The following PCDHA7 variants were observed in gnomAD, a reference collection of about 807,000 sequenced individuals.
PCDHA7 encodes protocadherin alpha 7, also known as protocadherin alpha-7.
A neutral mutation model predicts 57.2 loss-of-function variants in PCDHA7; 37 were observed. The observed-to-expected ratio is 0.65, with a 90% confidence interval of 0.50 to 0.85. PCDHA7 has a LOEUF of 0.85. Among genes scored for constraint, PCDHA7 ranks in the 40% least tolerant of loss-of-function variants. PCDHA7 has a pLI of 0.00. For synonymous variants in PCDHA7, 553 were observed against 558.8 expected, an observed-to-expected ratio of 0.99 and a Z score of 0.15; for missense variants, 1,188 against 1,241.8, an observed-to-expected ratio of 0.96 and a Z score of 0.65.
At chr5:140,875,264 C>T (rs1017689371) in intron 1 of PCDHA7, 10 of 1,189,206 alleles carry the variant, frequency 8.4e-6, no homozygotes, top group Non-Finnish European at 1.0e-5. Flanking sequence ...TGATGTCGCT[C>T]TACACTCAGA....
At chr5:140,856,023 G>A in intron 1 of PCDHA7, 2 of 1,556,224 alleles carry the variant, frequency 1.3e-6, no homozygotes, top group Non-Finnish European at 8.7e-7. Context: ...CTGATTCGTC[G>A]ATTTGTAAAA....
intron 1 of PCDHA7, among the ~76,000 whole-genome samples, chr5:140,911,786 TG>T (rs1394803815): frequency 6.6e-6 from 1 of 152,212 alleles, no homozygotes; most frequent in Non-Finnish European, 1.5e-5. Flanking sequence ...TTAGCATTTT[TG>T]GGTCTAATCA....
At chr5:140,870,746 T>A in intron 1 of PCDHA7, 1 of 1,613,488 alleles carries the variant, frequency 6.2e-7, no homozygotes, top group South Asian at 1.1e-5. Flanking sequence ...AGCAGCAACG[T>A]GACGCTGCAG....
chr5:140,910,519 G>A (rs187918127), intron 1 of PCDHA7, among the ~76,000 whole-genome samples: 18 of 152,218 alleles, frequency 1.2e-4, no homozygotes, highest in Non-Finnish European at 2.5e-4. Context: ...AAGGATGCAG[G>A]TACTCCCCTC....
At chr5:140,849,149 C>T (rs1423345877) in intron 1 of PCDHA7, 1 of 1,253,130 alleles carries the variant, frequency 8.0e-7, no homozygotes, top group African/African-American at 1.8e-5. Context: ...CCGATGGAGG[C>T]AAACCCGAGC....
chr5:140,926,953 C>T, intron 1 of PCDHA7: 1 of 1,596,706 alleles, frequency 6.3e-7, no homozygotes, highest in Non-Finnish European at 8.6e-7. Flanking sequence ...TGCAGCGGGA[C>T]AGCTCGAGTA....
chr5:140,852,577 T>G, intron 1 of PCDHA7: 3 of 825,200 alleles, frequency 3.6e-6, no homozygotes, highest in Non-Finnish European at 3.0e-6. Flanking sequence ...TGCCAAGGCT[T>G]TTTTATTTTT....
chr5:140,897,722 T>G (rs1236534951), intron 1 of PCDHA7, among the ~76,000 whole-genome samples: 10 of 152,162 alleles, frequency 6.6e-5, no homozygotes, highest in Admixed American at 6.5e-4. Context: ...GATGGCTGGG[T>G]CAAATAGTAT....
intron 3 of PCDHA7, among the ~76,000 whole-genome samples, chr5:140,991,829 G>A (rs530610195): frequency 3.3e-5 from 5 of 152,196 alleles, no homozygotes; most frequent in South Asian, 2.1e-4. Flanking sequence ...CATTTATAAC[G>A]GCAGAACCGC....
At chr5:140,966,569 G>A in intron 1 of PCDHA7, 1 of 500,346 alleles carries the variant, frequency 2.0e-6, no homozygotes, top group Non-Finnish European at 3.3e-6. Flanking sequence ...TGGAATATGG[G>A]GAGTCAGCGA....
intron 1 of PCDHA7, chr5:140,856,066 C>A: frequency 6.3e-7 from 1 of 1,589,756 alleles, no homozygotes; most frequent in Non-Finnish European, 8.6e-7. Flanking sequence ...CCAGATGTAG[C>A]TGCCTGGGGG....
intron 1 of PCDHA7, among the ~76,000 whole-genome samples, chr5:140,942,239 T>C (rs1554214876): frequency 6.6e-6 from 1 of 152,156 alleles, no homozygotes; most frequent in African/African-American, 2.4e-5. Context: ...AAATAAGATA[T>C]CCATATCATT....
At chr5:140,902,395 G>A (rs782771913) in intron 1 of PCDHA7, among the ~76,000 whole-genome samples, 2 of 151,802 alleles carry the variant, frequency 1.3e-5, no homozygotes, top group Non-Finnish European at 2.9e-5. Context: ...GTACTATGTT[G>A]AATACTATGT....
rs116160554 is a variant in PCDHA7, at chr5:140,845,319, C to A, written c.2355+8581C>A. Among the ~76,000 whole-genome samples the A allele has an allele frequency of 3.7e-3, 557 of 149,574 alleles. 34 individuals carry two copies. Among genetic ancestry groups the A allele is most frequent in the African/African-American group, 0.011 (448 of 40,946 alleles). ...ATGTCTACCTGGTTCTCAGGTATTA[C>A]TTTAATTACTGAATTCTCCTAAACA... On this transcript the variant is annotated intron_variant, in intron 1 of 3. Coordinates refer to ENST00000525929, the MANE Select transcript of PCDHA7 (RefSeq NM_018910.3).
intron 1 of PCDHA7, chr5:140,860,800 C>A (rs1270356784): frequency 1.3e-5 from 2 of 152,198 alleles, no homozygotes; most frequent in Non-Finnish European, 2.9e-5. Context: ...TGCAGTGGCA[C>A]GATCTCGGCT....
chr5:140,927,484 A>G (rs1554204601), intron 1 of PCDHA7: 2 of 1,613,906 alleles, frequency 1.2e-6, no homozygotes, highest in East Asian at 2.2e-5. Flanking sequence ...ACAGCGCGCC[A>G]CCCACCTGCT....
chr5:140,976,812 G>A (rs2096732233), intron 1 of PCDHA7, among the ~76,000 whole-genome samples: 1 of 152,178 alleles, frequency 6.6e-6, no homozygotes, highest in Non-Finnish European at 1.5e-5. Flanking sequence ...CTGAAGATAT[G>A]CATGTGTCTA....
In PCDHA7 at chr5:140,859,254, G is replaced by C. The variant is rs1005222858; in HGVS notation, c.2355+22516G>C. 16 of 131,816 alleles carry C rather than the reference G, an allele frequency of 1.2e-4. 1 individual carries two copies. The highest frequency in any genetic ancestry group is 4.3e-4 in the African/African-American group (16 of 37,090). 8.2% of individuals were successfully genotyped at this position (131,816 alleles called of 1,614,324 possible). A position where few individuals can be genotyped will look rare whatever the true frequency, so the allele number is the denominator to read the frequency against. ...AGTCATGCTTATGTTTAATAATGAA[G>C]AGAATTTGAACACTTTTTACTTTTG... is the stretch of plus-strand genomic sequence containing the variant. On this transcript the variant is annotated intron_variant, in intron 1 of 3. Transcript: ENST00000525929.
chr5:140,987,730 C>CAA (rs2097266231), intron 3 of PCDHA7, among the ~76,000 whole-genome samples: 1 of 152,066 alleles, frequency 6.6e-6, no homozygotes, highest in African/African-American at 2.4e-5. Flanking sequence ...CCTACAGCTT[C>CAA]AAAATTTAGA....
Sources: gnomAD v4.1 joint callset for allele counts (sites outside exome capture counted in the v4.1 genomes callset) on GRCh38, gnomAD v4.1.1 for gene constraint, MANE v1.5 for transcripts, NCBI Gene and HGNC (gene_info 2026-07-23, HGNC 2026-07-21) for gene names.